The following CCBE1 variants were observed in gnomAD, a reference collection of about 807,000 sequenced individuals.
The protein encoded by CCBE1 is collagen and calcium binding EGF domains 1.
A neutral mutation model predicts 50.0 loss-of-function variants in CCBE1; 37 were observed. That is an observed-to-expected ratio of 0.74 (90% CI 0.57 to 0.97). CCBE1 has a LOEUF of 0.97. CCBE1 is among the 50% of genes least tolerant of loss of function. The pLI is 0.00. For missense variants in CCBE1, 538 were observed against 523.8 expected, an observed-to-expected ratio of 1.03 and a Z score of -0.26; for synonymous variants, 234 against 203.7, an observed-to-expected ratio of 1.15 and a Z score of -1.27.
chr18:59,641,949 A>G (rs895908284), intron 2 of CCBE1, among the ~76,000 whole-genome samples: 3 of 152,196 alleles, frequency 2.0e-5, no homozygotes, highest in Non-Finnish European at 2.9e-5. Context: ...AAAAAATTCT[A>G]CATGGATTGG....
intron 2 of CCBE1, among the ~76,000 whole-genome samples, chr18:59,684,156 T>A (rs1471481398): frequency 1.3e-5 from 2 of 151,892 alleles, no homozygotes; most frequent in Admixed American, 1.3e-4. Context: ...CTGTCAGGAG[T>A]CCACTCAGAT....
chr18:59,629,169 C>T (rs922851995), intron 2 of CCBE1, among the ~76,000 whole-genome samples: 1 of 152,198 alleles, frequency 6.6e-6, no homozygotes, highest in Non-Finnish European at 1.5e-5. Context: ...ACCTCATCTA[C>T]TCATGATACT....
At position 59,439,536 on chromosome 18, in the gene CCBE1, G is replaced by A. The variant is rs765657874; in HGVS notation, c.951+7C>T. The A allele has an allele frequency of 1.2e-5, 19 of 1,614,090 alleles. No homozygotes were observed. The highest frequency in any genetic ancestry group is 1.4e-5 in the Non-Finnish European group (17 of 1,180,032). The stretch of plus-strand genomic sequence containing the variant: ...TTTAGCTTGTGAGGACCACTCATAA[G>A]GCTTACCTTAGAACCATCTCTTCCT... On this transcript the variant is annotated splice_region_variant and intron_variant, in intron 9 of 10. Transcript: ENST00000439986.
intron 2 of CCBE1, among the ~76,000 whole-genome samples, chr18:59,514,637 C>CTTTTTTT (rs1555686191): frequency 7.5e-6 from 1 of 133,220 alleles, no homozygotes; most frequent in African/African-American, 2.9e-5. Context: ...TTTTTCTTTC[C>CTTTTTTT]TTTCCTTGAA....
At chr18:59,524,099 T>A (rs1914717287) in intron 2 of CCBE1, among the ~76,000 whole-genome samples, 1 of 152,190 alleles carries the variant, frequency 6.6e-6, no homozygotes, top group Non-Finnish European at 1.5e-5. Context: ...GGCAGGCAGA[T>A]TGCTTGAGGT....
chr18:59,559,509 G>T (rs546292308), intron 2 of CCBE1, among the ~76,000 whole-genome samples: 1 of 152,306 alleles, frequency 6.6e-6, no homozygotes, highest in East Asian at 1.9e-4. Flanking sequence ...CAAGTCATTC[G>T]GAAGAAGGAC....
At chr18:59,670,408 G>T (rs766810104) in intron 2 of CCBE1, among the ~76,000 whole-genome samples, 1 of 152,258 alleles carries the variant, frequency 6.6e-6, no homozygotes, top group South Asian at 2.1e-4. Flanking sequence ...GAGAAGAGGC[G>T]TGGGCTTAGG....
At chr18:59,589,346 A>G (rs1202394968) in intron 2 of CCBE1, among the ~76,000 whole-genome samples, 2 of 152,234 alleles carry the variant, frequency 1.3e-5, no homozygotes, top group Admixed American at 1.3e-4. Flanking sequence ...ACAGGCCCAT[A>G]TGGTTTTACT....
chr18:59,671,752 A>T (rs2054434476), intron 2 of CCBE1, among the ~76,000 whole-genome samples: 1 of 150,808 alleles, frequency 6.6e-6, no homozygotes, highest in South Asian at 2.2e-4. Flanking sequence ...AGGGAAGGGG[A>T]AAGGCATTCT....
At chr18:59,492,384 AC>A (rs1297259338) in intron 2 of CCBE1, among the ~76,000 whole-genome samples, 1 of 152,040 alleles carries the variant, frequency 6.6e-6, no homozygotes, top group Admixed American at 6.6e-5. Context: ...TGGGCACATA[AC>A]CACCCAGAAT....
intron 2 of CCBE1, among the ~76,000 whole-genome samples, chr18:59,519,889 T>G (rs1445331324): frequency 6.6e-6 from 1 of 152,230 alleles, no homozygotes. Context: ...TTTCTGCATA[T>G]AGCTAGCCAG....
At chr18:59,588,522 G>A (rs992448752) in intron 2 of CCBE1, among the ~76,000 whole-genome samples, 2 of 152,112 alleles carry the variant, frequency 1.3e-5, no homozygotes, top group Non-Finnish European at 2.9e-5. Context: ...GCTTGATTTT[G>A]ATCCTCATAT....
intron 2 of CCBE1, among the ~76,000 whole-genome samples, chr18:59,495,806 C>T (rs1913330312): frequency 6.6e-6 from 1 of 152,068 alleles, no homozygotes; most frequent in Non-Finnish European, 1.5e-5. Flanking sequence ...CTGCGGCCGC[C>T]CTGGTTCTCC....
At chr18:59,580,540 T>A (rs2053068546) in intron 2 of CCBE1, among the ~76,000 whole-genome samples, 1 of 152,212 alleles carries the variant, frequency 6.6e-6, no homozygotes, top group Non-Finnish European at 1.5e-5. Flanking sequence ...TTGTCTCAGA[T>A]ATTCAGGGAT....
In CCBE1 at chr18:59,679,108, G is replaced by C. The variant is rs187548746; in HGVS notation, c.212+17521C>G. On this transcript the variant is annotated intron_variant, in intron 2 of 10. Coordinates refer to ENST00000439986, the MANE Select transcript of CCBE1 (RefSeq NM_133459.4). ...TTGAGGTGAAGTAATTTTTATTTAA[G>C]TGTTTCTGAATCCAAAGCAGTTCAG... 2.6e-3 allele frequency among the ~76,000 whole-genome samples: 403 copies of C among 152,244 alleles called. 3 individuals are homozygous for C. Among genetic ancestry groups the C allele is most frequent in the Non-Finnish European group, 6.0e-4 (41 of 68,024 alleles).
intron 9 of CCBE1, 124 bp from the exon 10 acceptor site, chr18:59,438,270 A>G (rs1367254273): frequency 1.1e-6 from 1 of 923,274 alleles, no homozygotes; most frequent in Non-Finnish European, 1.7e-6. Context: ...TATAGAAAAC[A>G]TATGTAAAAC....
intron 2 of CCBE1, among the ~76,000 whole-genome samples, chr18:59,543,482 T>C (rs1915548697): frequency 6.6e-6 from 1 of 152,086 alleles, no homozygotes; most frequent in Non-Finnish European, 1.5e-5. Context: ...TTAGAAAAAA[T>C]GATGCTGGTT....
intron 2 of CCBE1, among the ~76,000 whole-genome samples, chr18:59,536,990 CAAA>C (rs34336757): frequency 4.4e-5 from 4 of 91,838 alleles, no homozygotes; most frequent in African/African-American, 7.3e-5. Context: ...GACTCTGTCT[CAAA>C]AAAAAAAAAA....
chr18:59,500,337 G>T (rs1913558498), intron 2 of CCBE1, among the ~76,000 whole-genome samples: 2 of 152,222 alleles, frequency 1.3e-5, no homozygotes, highest in South Asian at 2.1e-4. Flanking sequence ...CACTGTTACA[G>T]AAAAGTTGAC....
Sources: gnomAD v4.1 joint callset for allele counts (sites outside exome capture counted in the v4.1 genomes callset) on GRCh38, gnomAD v4.1.1 for gene constraint, MANE v1.5 for transcripts, NCBI Gene and HGNC (gene_info 2026-07-23, HGNC 2026-07-21) for gene names.